The following RPS6KA6 variants were observed in gnomAD, a reference collection of about 807,000 sequenced individuals.
RPS6KA6 encodes ribosomal protein S6 kinase A6.
Under a neutral mutation model 65.4 loss-of-function variants are expected in RPS6KA6, and 27 were observed. The observed-to-expected ratio is 0.41, with a 90% CI of 0.30 to 0.57. The LOEUF (loss-of-function observed/expected upper bound fraction) is 0.57. Among genes scored for constraint, RPS6KA6 ranks in the 20% least tolerant of loss-of-function variants. RPS6KA6 has a pLI of 0.24. For synonymous variants in RPS6KA6, 190 were observed against 184.2 expected, an observed-to-expected ratio of 1.03 and a Z score of -0.26; for missense variants, 486 against 555.6, an observed-to-expected ratio of 0.87 and a Z score of 1.26.
intron 5 of RPS6KA6, among the ~76,000 whole-genome samples, chrX:84,146,579 A>C (rs1274238690): frequency 8.9e-6 from 1 of 111,803 alleles, no homozygotes; most frequent in Admixed American, 9.5e-5. Flanking sequence ...GTAGACTAAC[A>C]TAACTACATG....
In RPS6KA6 at chrX:84,060,078, G is replaced by A. The variant is rs1184994346; in HGVS notation, c.*4199C>T. ...AGTATATGATGGAATTCACTACACT[G>A]TAAGACTAAAACCAGGAACAGTGCA... On this transcript the variant is annotated 3_prime_UTR_variant, in exon 22 of 22. Coordinates refer to ENST00000262752, the MANE Select transcript of RPS6KA6 (RefSeq NM_014496.5). 3 of 111,481 alleles carry A rather than the reference G, an allele frequency of 2.7e-5. No individual in the cohort carries two copies. The highest frequency in any genetic ancestry group is 5.7e-5 in the Non-Finnish European group (3 of 53,053). The allele number at this position is 111,481 out of a possible 1,213,427, so 9.2% of individuals were successfully genotyped here. A position where few individuals can be genotyped will look rare whatever the true frequency, so the allele number is the denominator to read the frequency against.
At chrX:84,140,265 G>A (rs1000198308) in intron 6 of RPS6KA6, among the ~76,000 whole-genome samples, 2 of 111,056 alleles carry the variant, frequency 1.8e-5, no homozygotes, top group Non-Finnish European at 3.8e-5. Flanking sequence ...CTTCAGTAGT[G>A]GAGCAAAATT....
At chrX:84,104,179 T>C (rs748131791) in intron 17 of RPS6KA6, among the ~76,000 whole-genome samples, 1 of 111,368 alleles carries the variant, frequency 9.0e-6, no homozygotes, top group South Asian at 3.7e-4. Flanking sequence ...ACTTGAATAA[T>C]AGTCACTGTA....
At chrX:84,085,247 T>A (rs1434428599) in intron 20 of RPS6KA6, among the ~76,000 whole-genome samples, 3 of 111,605 alleles carry the variant, frequency 2.7e-5, no homozygotes, top group African/African-American at 9.8e-5. Context: ...ATAGGAGTGG[T>A]GAGAGAGGGC....
intron 20 of RPS6KA6, among the ~76,000 whole-genome samples, chrX:84,065,414 T>A (rs1418027808): frequency 9.0e-6 from 1 of 111,721 alleles, no homozygotes; most frequent in Non-Finnish European, 1.9e-5. Context: ...TGGAATATGC[T>A]AAATGTTCAG....
intron 1 of RPS6KA6, among the ~76,000 whole-genome samples, chrX:84,178,011 C>A (rs1260181531): frequency 9.0e-6 from 1 of 111,229 alleles, no homozygotes; most frequent in Non-Finnish European, 1.9e-5. Context: ...CCAGGCTGGT[C>A]TCAAACTCCT....
chrX:84,174,005 T>C (rs960986419), intron 1 of RPS6KA6, among the ~76,000 whole-genome samples: 1 of 112,351 alleles, frequency 8.9e-6, no homozygotes, highest in African/African-American at 3.2e-5. Flanking sequence ...AAAGTATCTT[T>C]GTATATTTTT....
rs1415286839 is a variant in RPS6KA6, at chrX:84,093,652, C to G, written c.1971+2542G>C. ...GCCTAAACATAAAATACATGGAACA[C>G]AGAAAACTGAAAATTTGAGCACAAT... On this transcript the variant is annotated intron_variant, in intron 20 of 21. Coordinates refer to ENST00000262752, the MANE Select transcript of RPS6KA6 (RefSeq NM_014496.5). Among the ~76,000 whole-genome samples the G allele has an allele frequency of 2.7e-5, 3 of 112,102 alleles. No individual in the cohort carries two copies. In the South Asian group the frequency reaches 1.1e-3, roughly 41 times the overall value.
chrX:84,100,083 T>G (rs1327000813), intron 18 of RPS6KA6, among the ~76,000 whole-genome samples: 2 of 111,633 alleles, frequency 1.8e-5, no homozygotes, highest in Non-Finnish European at 3.8e-5. Flanking sequence ...AAAAATACTC[T>G]CTGTGGTTCA....
At chrX:84,107,469 C>T (rs1370411141) in intron 13 of RPS6KA6, among the ~76,000 whole-genome samples, 154 bp downstream of exon 13, 1 of 112,466 alleles carries the variant, frequency 8.9e-6, no homozygotes, top group Non-Finnish European at 1.9e-5. Flanking sequence ...TTGACAGCTG[C>T]CCAAGCAATG....
intron 2 of RPS6KA6, 86 bp from the exon 3 acceptor site, chrX:84,156,277 A>G: frequency 2.0e-6 from 1 of 511,901 alleles, no homozygotes; most frequent in Non-Finnish European, 3.4e-6. Flanking sequence ...CATAATAGAA[A>G]TACCCAACTC....
At chrX:84,127,565 C>G (rs1021893929) in intron 8 of RPS6KA6, among the ~76,000 whole-genome samples, 1 of 111,065 alleles carries the variant, frequency 9.0e-6, no homozygotes, top group Non-Finnish European at 1.9e-5. Flanking sequence ...CAAAAATCCT[C>G]AACAAGATAC....
At chrX:84,145,366 G>A (rs1213028940) in intron 6 of RPS6KA6, 112 bp downstream of exon 6, 10 of 471,336 alleles carry the variant, frequency 2.1e-5, no homozygotes, top group Non-Finnish European at 3.6e-5. Context: ...CAATGAAACA[G>A]AGTAGTTACC....
At chrX:84,162,129 G>A (rs2035524044) in intron 2 of RPS6KA6, among the ~76,000 whole-genome samples, 1 of 110,398 alleles carries the variant, frequency 9.1e-6, no homozygotes, top group African/African-American at 3.3e-5. Context: ...TAGGATACTA[G>A]GTGGTGAAAT....
chrX:84,179,725 CTAGAGT>C (rs1423390399), intron 1 of RPS6KA6, among the ~76,000 whole-genome samples: 3 of 111,303 alleles, frequency 2.7e-5, no homozygotes, highest in Non-Finnish European at 3.8e-5. Context: ...GCCAGAAGGT[CTAGAGT>C]TACTCTTCTC....
At chrX:84,141,713 T>C (rs1178168492) in intron 6 of RPS6KA6, among the ~76,000 whole-genome samples, 1 of 111,329 alleles carries the variant, frequency 9.0e-6, no homozygotes, top group Non-Finnish European at 1.9e-5. Context: ...TAGAAAATAG[T>C]TGGTGTGACC....
intron 8 of RPS6KA6, among the ~76,000 whole-genome samples, chrX:84,126,960 C>T (rs758258155): frequency 9.1e-6 from 1 of 110,216 alleles, no homozygotes; most frequent in Non-Finnish European, 1.9e-5. Context: ...CCAAATTAGT[C>T]GGAGAAAAGA....
chrX:84,131,680 T>C (rs2034900850), intron 8 of RPS6KA6, among the ~76,000 whole-genome samples: 1 of 112,011 alleles, frequency 8.9e-6, no homozygotes, highest in Non-Finnish European at 1.9e-5. Flanking sequence ...CAACTATAAT[T>C]TGCTCAGCAA....
intron 20 of RPS6KA6, among the ~76,000 whole-genome samples, chrX:84,068,934 A>G (rs1330447153): frequency 8.9e-6 from 1 of 112,058 alleles, no homozygotes; most frequent in African/African-American, 3.2e-5. Flanking sequence ...AAATGGAAAA[A>G]CATTCCATGC....
Sources: allele counts gnomAD v4.1 joint callset (sites outside exome capture counted in the v4.1 genomes callset), GRCh38; gene constraint gnomAD v4.1.1; transcripts MANE v1.5; gene names NCBI Gene and HGNC (gene_info 2026-07-23, HGNC 2026-07-21).